PARP11: variants seen among roughly 807,000 people sequenced by gnomAD.
PARP11 encodes poly(ADP-ribose) polymerase family member 11.
Under a neutral mutation model 42.9 loss-of-function variants are expected in PARP11, and 31 were observed. The observed-to-expected ratio is 0.72, with a 90% CI of 0.54 to 0.98. PARP11 has a LOEUF of 0.98. PARP11 is among the 50% of genes least tolerant of loss of function. The pLI, the probability that PARP11 is intolerant of heterozygous loss-of-function variation, is 0.00. For synonymous variants in PARP11, 137 were observed against 127.3 expected, an observed-to-expected ratio of 1.08 and a Z score of -0.51; for missense variants, 365 against 413.1, an observed-to-expected ratio of 0.88 and a Z score of 1.01.
At chr12:3,872,567 G>C in intron 1 of PARP11, 3 of 985,308 alleles carry the variant, frequency 3.0e-6, no homozygotes, top group Non-Finnish European at 3.6e-6. Flanking sequence ...AGATCACTTT[G>C]TCCACCGAAC....
intron 1 of PARP11, among the ~76,000 whole-genome samples, 156 bp from the exon 2 acceptor site, chr12:3,830,174 A>G (rs984559802): frequency 2.0e-5 from 3 of 152,222 alleles, no homozygotes; most frequent in Admixed American, 6.5e-5. Flanking sequence ...ATTGGCTCTG[A>G]AGATAAACAT....
At chr12:3,867,749 G>C (rs1591543708) in intron 1 of PARP11, among the ~76,000 whole-genome samples, 2 of 152,236 alleles carry the variant, frequency 1.3e-5, no homozygotes, top group East Asian at 3.9e-4. Context: ...CAAAACATGG[G>C]AAAATACTTT....
At chr12:3,870,574 G>A (rs146737575) in intron 1 of PARP11, among the ~76,000 whole-genome samples, 352 of 152,326 alleles carry the variant, frequency 2.3e-3, no homozygotes, top group Non-Finnish European at 3.8e-3. Context: ...AAAATTCATA[G>A]TAGGAGCAAA....
chr12:3,815,726 T>C (rs1947272977), intron 6 of PARP11, among the ~76,000 whole-genome samples: 1 of 152,180 alleles, frequency 6.6e-6, no homozygotes, highest in African/African-American at 2.4e-5. Context: ...CCAGGACTTT[T>C]CCAAACCAGA....
At chr12:3,865,613 CCTTGATAAT>C (rs2138127698) in intron 1 of PARP11, among the ~76,000 whole-genome samples, 1 of 152,164 alleles carries the variant, frequency 6.6e-6, no homozygotes, top group Non-Finnish European at 1.5e-5. Flanking sequence ...CATTCTTTAT[CCTTGATAAT>C]ATCATTATCT....
intron 1 of PARP11, chr12:3,872,507 A>G (rs1393085512): frequency 3.0e-6 from 3 of 985,126 alleles, no homozygotes; most frequent in Non-Finnish European, 3.6e-6. Context: ...TCATAATGAA[A>G]ATACCAGAGT....
intron 1 of PARP11, chr12:3,871,718 T>C (rs147898160): frequency 6.6e-6 from 1 of 152,288 alleles, no homozygotes; most frequent in African/African-American, 2.4e-5. Context: ...GTTTCAACCA[T>C]AACAACAGAA....
rs923651321 is a variant in PARP11, at chr12:3,839,992, C to G, written c.19-9974G>C. 108 of 1,556,732 alleles carry G rather than the reference C, an allele frequency of 6.9e-5. No homozygotes were observed. In the African/African-American group the frequency reaches 1.3e-3, roughly 19 times the overall value. Reference sequence around the variant, plus strand: ...ATTTAAACCTTTGTCAGGCAACGAGCAGCTGAAGAACAATGGGAACTCTAC... The same window carrying G: ...ATTTAAACCTTTGTCAGGCAACGAGGAGCTGAAGAACAATGGGAACTCTAC... On this transcript the variant is annotated intron_variant, in intron 1 of 7. Transcript: ENST00000228820.
In PARP11 at chr12:3,810,679, GA is replaced by G. The variant is rs1947153811; in HGVS notation, c.*1443del. On this transcript the variant is annotated 3_prime_UTR_variant, in exon 8 of 8. Coordinates refer to ENST00000228820, the MANE Select transcript of PARP11 (RefSeq NM_020367.6). Reference sequence around the variant, plus strand: ...GGAAGGAAGGAAGGAAGGAAGGAAGGAAGGAAAGAAAGAAGGAAGGAAGAGA... The same window carrying G: ...GGAAGGAAGGAAGGAAGGAAGGAAGGAGGAAAGAAAGAAGGAAGGAAGAGA... The G allele has an allele frequency of 6.9e-6, 1 of 145,220 alleles. No individual in the cohort carries two copies. Among genetic ancestry groups the G allele is most frequent in the African/African-American group, 2.6e-5 (1 of 37,960 alleles). The allele number at this position is 145,220 out of a possible 1,614,324, so 9.0% of individuals were successfully genotyped here.
intron 1 of PARP11, chr12:3,839,603 T>G: frequency 8.5e-7 from 1 of 1,178,374 alleles, no homozygotes. Context: ...CAGGAATGGG[T>G]AGGACAAATG....
chr12:3,839,944 G>A, intron 1 of PARP11: 2 of 1,219,916 alleles, frequency 1.6e-6, no homozygotes, highest in Non-Finnish European at 2.4e-6. Context: ...TAAAACTGCT[G>A]TTGCTGCTGC....
chr12:3,857,216 T>G (rs1030987500), intron 1 of PARP11, among the ~76,000 whole-genome samples: 2 of 152,008 alleles, frequency 1.3e-5, no homozygotes, highest in Admixed American at 1.3e-4. Context: ...ACATGGCACA[T>G]GTATACATAT....
rs1203616393 is a variant in PARP11 at position 3,872,654 on chromosome 12, T to C, written c.18+558A>G. 3 of 985,078 alleles carry C rather than the reference T, an allele frequency of 3.0e-6. No individual in the cohort carries two copies. The African/African-American group carries it at 5.2e-5, about 17-fold the overall frequency. 61.0% of individuals were successfully genotyped at this position (985,078 alleles called of 1,614,324 possible). A position where few individuals can be genotyped will look rare whatever the true frequency, so the allele number is the denominator to read the frequency against. Reference sequence around the variant, plus strand: ...ACCAAGAAGGGAAAAGGAGAACTGATGGCTCCTCTTAGGCCCATTCAAGAC... The same window carrying C: ...ACCAAGAAGGGAAAAGGAGAACTGACGGCTCCTCTTAGGCCCATTCAAGAC... On this transcript the variant is annotated intron_variant, in intron 1 of 7. Transcript: ENST00000228820.
intron 1 of PARP11, 45 bp from the exon 2 acceptor site, chr12:3,830,063 A>G: frequency 1.3e-6 from 2 of 1,577,618 alleles, no homozygotes; most frequent in South Asian, 2.2e-5. Context: ...TTCTATTAAT[A>G]ACAAGTATAC....
chr12:3,822,055 A>G, intron 5 of PARP11, 30 bp downstream of exon 5: 3 of 1,609,282 alleles, frequency 1.9e-6, no homozygotes, highest in South Asian at 2.2e-5. Context: ...GGTTTCTTTC[A>G]TGGGTATATT....
intron 1 of PARP11, among the ~76,000 whole-genome samples, chr12:3,850,334 A>C (rs964814116): frequency 6.6e-6 from 1 of 152,194 alleles, no homozygotes; most frequent in African/African-American, 2.4e-5. Context: ...CAAAAATCTG[A>C]AATCAGAATT....
chr12:3,834,463 A>G (rs574027887), intron 1 of PARP11, among the ~76,000 whole-genome samples: 6 of 151,590 alleles, frequency 4.0e-5, no homozygotes, highest in Non-Finnish European at 8.8e-5. Context: ...TGAAACCCCA[A>G]CTCTACAAAA....
chr12:3,852,223 C>G (rs569443119), intron 1 of PARP11, among the ~76,000 whole-genome samples: 1 of 152,340 alleles, frequency 6.6e-6, no homozygotes, highest in African/African-American at 2.4e-5. Flanking sequence ...CAGAGCACCT[C>G]TTCTCCTCCA....
In PARP11 at chr12:3,810,668, A is replaced by AAGGG. The variant is rs1565527281; in HGVS notation, c.*1454_*1455insCCCT. ...GAAAGAAGGAAGGAAGGAAGGAAGG[A>AAGGG]AGGAAGGAAGGAAGGAAAGAAAGAA... On this transcript the variant is annotated 3_prime_UTR_variant, in exon 8 of 8. Transcript: ENST00000228820. 6.8e-6 allele frequency: 1 copy of AAGGG among 147,356 alleles called. No homozygotes were observed. Among genetic ancestry groups the AAGGG allele is most frequent in the East Asian group, 2.0e-4 (1 of 4,914 alleles). The allele number at this position is 147,356 out of a possible 1,614,324, so 9.1% of individuals were successfully genotyped here.
Sources: gnomAD v4.1 joint callset for allele counts (sites outside exome capture counted in the v4.1 genomes callset) on GRCh38, gnomAD v4.1.1 for gene constraint, MANE v1.5 for transcripts, NCBI Gene and HGNC (gene_info 2026-07-23, HGNC 2026-07-21) for gene names.